SDK1: variants seen among roughly 807,000 people sequenced by gnomAD.
The protein encoded by SDK1 is sidekick cell adhesion molecule 1.
In SDK1, 157 loss-of-function variants were observed where a neutral mutation model predicts 245.5. The observed-to-expected ratio is 0.64, with a 90% CI of 0.56 to 0.73. The LOEUF (loss-of-function observed/expected upper bound fraction) is 0.73. SDK1 is among the 30% of genes least tolerant of loss of function. The probability of loss-of-function intolerance (pLI) is 0.00; values close to 1 mark genes in which losing one functional copy is unlikely to be tolerated. For synonymous variants in SDK1, 1,647 were observed against 1,278.5 expected (o/e 1.29, Z -6.15); for missense variants, 3,583 against 3,002.3 (o/e 1.19, Z -4.52).
At chr7:3,885,174 C>T (rs1394902602) in intron 5 of SDK1, among the ~76,000 whole-genome samples, 1 of 152,118 alleles carries the variant, frequency 6.6e-6, no homozygotes, top group Non-Finnish European at 1.5e-5. Context: ...GGCTGTGGGT[C>T]CGAGAGGCCT....
At chr7:3,925,060 A>G (rs1779720709) in intron 5 of SDK1, among the ~76,000 whole-genome samples, 2 of 151,932 alleles carry the variant, frequency 1.3e-5, no homozygotes, top group African/African-American at 2.4e-5. Flanking sequence ...CCCTTTTCTC[A>G]ATGTCCTGTT....
chr7:3,978,824 A>G (rs1583707046), intron 13 of SDK1, among the ~76,000 whole-genome samples: 1 of 152,326 alleles, frequency 6.6e-6, no homozygotes, highest in Non-Finnish European at 1.5e-5. Context: ...AATGTCCTTC[A>G]GAGGAGCCTG....
At chr7:3,929,268 T>C (rs1344345770) in intron 5 of SDK1, among the ~76,000 whole-genome samples, 1 of 152,258 alleles carries the variant, frequency 6.6e-6, no homozygotes, top group Non-Finnish European at 1.5e-5. Context: ...GCGTTGCTCT[T>C]GATCTACAGA....
intron 4 of SDK1, among the ~76,000 whole-genome samples, chr7:3,652,016 G>T (rs1047225508): frequency 6.6e-6 from 1 of 152,152 alleles, no homozygotes; most frequent in African/African-American, 2.4e-5. Context: ...GAGGAAGAAG[G>T]ATACTGAATC....
At chr7:3,532,965 T>C (rs1783399653) in intron 1 of SDK1, among the ~76,000 whole-genome samples, 1 of 152,114 alleles carries the variant, frequency 6.6e-6, no homozygotes, top group Non-Finnish European at 1.5e-5. Flanking sequence ...AACATGGTAG[T>C]GGAGAGGAGA....
intron 1 of SDK1, among the ~76,000 whole-genome samples, chr7:3,511,398 T>C (rs913003003): frequency 3.9e-5 from 6 of 152,206 alleles, no homozygotes; most frequent in African/African-American, 1.4e-4. Flanking sequence ...CCTGAATTCT[T>C]GGAAGTTTAA....
At chr7:4,055,753 A>G (rs1779155739) in intron 19 of SDK1, among the ~76,000 whole-genome samples, 1 of 151,858 alleles carries the variant, frequency 6.6e-6, no homozygotes. Flanking sequence ...CCTTGTTTCC[A>G]GTGTGAGCGT....
intron 4 of SDK1, among the ~76,000 whole-genome samples, chr7:3,813,058 G>A (rs1485069853): frequency 6.6e-6 from 1 of 151,950 alleles, no homozygotes; most frequent in Admixed American, 6.6e-5. Context: ...TGAGCATTCA[G>A]GGACTCATTA....
At chr7:3,511,213 T>G (rs1235092416) in intron 1 of SDK1, among the ~76,000 whole-genome samples, 2 of 152,228 alleles carry the variant, frequency 1.3e-5, no homozygotes, top group Non-Finnish European at 2.9e-5. Flanking sequence ...GAATTTCATA[T>G]TTTCCTTCTT....
At chr7:3,804,192 G>C (rs1052039683) in intron 4 of SDK1, among the ~76,000 whole-genome samples, 3 of 152,098 alleles carry the variant, frequency 2.0e-5, no homozygotes, top group Non-Finnish European at 4.4e-5. Context: ...CAATTTCTCT[G>C]ATATCTTCTC....
intron 1 of SDK1, among the ~76,000 whole-genome samples, chr7:3,602,339 G>A (rs1341326453): frequency 2.0e-5 from 3 of 151,074 alleles, no homozygotes; most frequent in Non-Finnish European, 4.4e-5. Flanking sequence ...TCCAGCACCT[G>A]TTGTTTCCTG....
intron 38 of SDK1, among the ~76,000 whole-genome samples, chr7:4,219,361 T>C (rs1363354521): frequency 6.6e-6 from 1 of 152,150 alleles, no homozygotes; most frequent in Non-Finnish European, 1.5e-5. Context: ...GACTGGGTAA[T>C]TTATAAAGGA....
chr7:3,746,147 A>G (rs145498210), intron 4 of SDK1, among the ~76,000 whole-genome samples: 1 of 152,360 alleles, frequency 6.6e-6, no homozygotes, highest in Non-Finnish European at 1.5e-5. Context: ...AGTGAGTCAC[A>G]TGAATTTTTT....
intron 25 of SDK1, among the ~76,000 whole-genome samples, chr7:4,126,675 G>A (rs116580877): frequency 0.014 from 2,117 of 152,322 alleles, 49 homozygotes; most frequent in African/African-American, 0.048. Flanking sequence ...AGCCAAGATC[G>A]CACCACTGCT....
chr7:3,998,297 G>A (rs747750315), intron 14 of SDK1, among the ~76,000 whole-genome samples: 4 of 152,254 alleles, frequency 2.6e-5, no homozygotes, highest in Non-Finnish European at 5.9e-5. Context: ...GCAACAGCTG[G>A]CATGATGGCA....
chr7:3,604,128 A>C (rs567071307), intron 1 of SDK1, among the ~76,000 whole-genome samples: 5 of 152,146 alleles, frequency 3.3e-5, no homozygotes, highest in African/African-American at 4.8e-5. Context: ...CATCAAGGCT[A>C]TTGGTCTAAA....
intron 13 of SDK1, among the ~76,000 whole-genome samples, chr7:3,984,210 G>C (rs1783644184): frequency 6.6e-6 from 1 of 152,076 alleles, no homozygotes; most frequent in Non-Finnish European, 1.5e-5. Flanking sequence ...GGGATGGAGG[G>C]ACATGTGTGA....
chr7:3,844,129 C>G (rs373540708), intron 5 of SDK1, among the ~76,000 whole-genome samples: 1 of 152,100 alleles, frequency 6.6e-6, no homozygotes, highest in East Asian at 1.9e-4. Flanking sequence ...CACCACCATG[C>G]CCAGCTGATT....
intron 1 of SDK1, among the ~76,000 whole-genome samples, chr7:3,588,226 G>A (rs1191393416): frequency 2.0e-5 from 3 of 152,280 alleles, no homozygotes; most frequent in African/African-American, 7.2e-5. Context: ...TGTTACTTAG[G>A]TCAAGAGGGA....
Sources: allele counts gnomAD v4.1 joint callset (sites outside exome capture counted in the v4.1 genomes callset), GRCh38; gene constraint gnomAD v4.1.1; transcripts MANE v1.5; gene names NCBI Gene and HGNC (gene_info 2026-07-23, HGNC 2026-07-21).